Variants in UBE4B observed in about 807,000 individuals in gnomAD.
UBE4B encodes the protein ubiquitin conjugation factor E4 B.
A neutral mutation model predicts 148.1 loss-of-function variants in UBE4B; 27 were observed. That is an observed-to-expected ratio of 0.18 (90% confidence interval 0.13 to 0.25). The LOEUF (loss-of-function observed/expected upper bound fraction) is 0.25. Among genes scored for constraint, UBE4B ranks in the 10% least tolerant of loss-of-function variants. The pLI, the probability that UBE4B is intolerant of heterozygous loss-of-function variation, is 1.00. For synonymous variants in UBE4B, 596 were observed against 619.3 expected (o/e 0.96, Z 0.56); for missense variants, 1,170 against 1,662.4 (o/e 0.70, Z 5.15).
chr1:10,116,259 C>T (rs1645307123), intron 7 of UBE4B, among the ~76,000 whole-genome samples: 1 of 152,150 alleles, frequency 6.6e-6, no homozygotes, highest in African/African-American at 2.4e-5. Context: ...TCTTGTGCCT[C>T]AGCCTCCTGA....
At position 10,144,925 on chromosome 1, in the gene UBE4B, A is replaced by T; in HGVS notation, c.2364-15A>T. On this transcript the variant is annotated splice_polypyrimidine_tract_variant and intron_variant, in intron 17 of 27. Coordinates refer to ENST00000343090, the MANE Select transcript of UBE4B (RefSeq NM_001105562.3). ...GGCTGTTTTCTTTCATTTGACTGTTAGTCTTTGATTTCAGAACTGTAGAAG... is the reference window on the plus strand; with the variant it reads ...GGCTGTTTTCTTTCATTTGACTGTTTGTCTTTGATTTCAGAACTGTAGAAG... 1.9e-6 allele frequency: 3 copies of T among 1,593,740 alleles called. No individual in the cohort carries two copies. The highest frequency in any genetic ancestry group is 2.6e-6 in the Non-Finnish European group (3 of 1,163,240).
intron 23 of UBE4B, among the ~76,000 whole-genome samples, chr1:10,167,371 G>A (rs1001771364): frequency 3.4e-4 from 52 of 150,854 alleles, no homozygotes; most frequent in African/African-American, 1.2e-3. Flanking sequence ...CCTGGGAGGC[G>A]GAGGTTCCGG....
intron 7 of UBE4B, 59 bp from the exon 8 acceptor site, chr1:10,117,400 A>G: frequency 6.2e-7 from 1 of 1,604,544 alleles, no homozygotes; most frequent in Non-Finnish European, 8.5e-7. Flanking sequence ...CAGAAATGCA[A>G]ACTCTGCCAA....
At chr1:10,082,333 T>C (rs1245548477) in intron 2 of UBE4B, among the ~76,000 whole-genome samples, 1 of 151,778 alleles carries the variant, frequency 6.6e-6, no homozygotes, top group African/African-American at 2.4e-5. Context: ...ACGTTACCTC[T>C]ACAAAAAAAA....
At chr1:10,035,181 T>C (rs1415411228) in intron 1 of UBE4B, among the ~76,000 whole-genome samples, 1 of 149,394 alleles carries the variant, frequency 6.7e-6, no homozygotes, top group Non-Finnish European at 1.5e-5. Context: ...GTATTTTTAG[T>C]AGAGATGGGG....
chr1:10,119,663 C>T (rs774898387), intron 9 of UBE4B, 50 bp downstream of exon 9: 35 of 1,538,756 alleles, frequency 2.3e-5, no homozygotes, highest in Non-Finnish European at 3.0e-5. Flanking sequence ...GAGCCCTAGC[C>T]GTCAGTGGAC....
intron 1 of UBE4B, among the ~76,000 whole-genome samples, chr1:10,057,938 AGAG>A (rs971116493): frequency 6.6e-6 from 1 of 152,046 alleles, no homozygotes; most frequent in Non-Finnish European, 1.5e-5. Flanking sequence ...GTAGGTAAAG[AGAG>A]GAGAAGGAAC....
chr1:10,057,491 A>G (rs751020140), intron 1 of UBE4B, among the ~76,000 whole-genome samples: 1 of 141,494 alleles, frequency 7.1e-6, no homozygotes. Context: ...ATCATGACTC[A>G]CTGCAGCCCC....
intron 25 of UBE4B, among the ~76,000 whole-genome samples, chr1:10,178,181 G>A (rs1646454617): frequency 6.6e-6 from 1 of 152,032 alleles, no homozygotes; most frequent in South Asian, 2.1e-4. Context: ...GAACAATAGT[G>A]GATTGTTTTT....
At chr1:10,149,015 C>G (rs1557597308) in intron 19 of UBE4B, among the ~76,000 whole-genome samples, 169 bp from the exon 20 acceptor site, 1 of 152,114 alleles carries the variant, frequency 6.6e-6, no homozygotes. Context: ...CTTCATTATT[C>G]CCTGTTCATT....
intron 12 of UBE4B, among the ~76,000 whole-genome samples, chr1:10,130,271 C>T (rs1185917826): frequency 6.6e-6 from 1 of 151,650 alleles, no homozygotes; most frequent in African/African-American, 2.4e-5. Flanking sequence ...GACGGGGTTT[C>T]TCCATGTTGG....
intron 17 of UBE4B, among the ~76,000 whole-genome samples, 174 bp from the exon 18 acceptor site, chr1:10,144,766 A>C (rs1004163762): frequency 6.6e-6 from 1 of 151,910 alleles, no homozygotes; most frequent in African/African-American, 2.4e-5. Flanking sequence ...AAGAAAGAAA[A>C]ATGCTGCCAA....
chr1:10,148,084 G>A (rs1367743185), intron 19 of UBE4B, among the ~76,000 whole-genome samples: 1 of 152,024 alleles, frequency 6.6e-6, no homozygotes, highest in Non-Finnish European at 1.5e-5. Context: ...AAAATTAGCT[G>A]GGCGCTGTGG....
chr1:10,033,648 CT>C lies in UBE4B; in HGVS notation c.-20del, dbSNP rs1557497181. ...GAACAGAAGGATCTCTCCTTAACGC[CT>C]TTCACCATTAAGAGGAAAGCGATGG... is the stretch of plus-strand genomic sequence containing the variant. On this transcript the variant is annotated 5_prime_UTR_variant, in exon 1 of 28. Coordinates refer to ENST00000343090, the MANE Select transcript of UBE4B (RefSeq NM_001105562.3). 1.3e-6 allele frequency: 2 copies of C among 1,562,026 alleles called. No individual in the cohort carries two copies. The highest frequency in any genetic ancestry group is 8.7e-7 in the Non-Finnish European group (1 of 1,154,666).
At chr1:10,158,151 C>A (rs1414224484) in intron 21 of UBE4B, among the ~76,000 whole-genome samples, 1 of 152,096 alleles carries the variant, frequency 6.6e-6, no homozygotes, top group Non-Finnish European at 1.5e-5. Context: ...GGTGTTGTGT[C>A]ATTGTCAAAT....
At chr1:10,080,461 G>A (rs1382635340) in intron 2 of UBE4B, among the ~76,000 whole-genome samples, 1 of 151,876 alleles carries the variant, frequency 6.6e-6, no homozygotes, top group Non-Finnish European at 1.5e-5. Context: ...TTCTATGTTG[G>A]TGAGAGTGTA....
intron 1 of UBE4B, among the ~76,000 whole-genome samples, chr1:10,036,249 AG>A (rs775899732): frequency 2.0e-5 from 3 of 152,272 alleles, no homozygotes; most frequent in South Asian, 4.1e-4. Context: ...TCCTTGAGGA[AG>A]GTGTAACTTT....
At chr1:10,163,818 T>C (rs146948394) in intron 23 of UBE4B, among the ~76,000 whole-genome samples, 15,659 of 150,802 alleles carry the variant, frequency 0.1, 1,495 homozygotes, top group African/African-American at 0.25. Flanking sequence ...GTCACCCAGG[T>C]TGGAGTGCAG....
intron 1 of UBE4B, among the ~76,000 whole-genome samples, chr1:10,051,337 C>T (rs1644040443): frequency 6.6e-6 from 1 of 152,162 alleles, no homozygotes; most frequent in Non-Finnish European, 1.5e-5. Flanking sequence ...GTGTAGTGAC[C>T]TGGCCGAGTG....
Sources: allele counts gnomAD v4.1 joint callset (sites outside exome capture counted in the v4.1 genomes callset), GRCh38; gene constraint gnomAD v4.1.1; transcripts MANE v1.5; gene names NCBI Gene and HGNC (gene_info 2026-07-23, HGNC 2026-07-21).